The following SH3RF3 variants were observed in gnomAD, a reference collection of about 807,000 sequenced individuals.
SH3RF3 encodes the protein SH3 domain containing ring finger 3.
A neutral mutation model predicts 66.3 loss-of-function variants in SH3RF3; 29 were observed. The observed-to-expected ratio is 0.44, with a 90% CI of 0.33 to 0.60. The LOEUF (loss-of-function observed/expected upper bound fraction) is 0.60, where lower values mean the gene tolerates loss of function less well. Among genes scored for constraint, SH3RF3 ranks in the 20% least tolerant of loss-of-function variants. The pLI is 0.04. For missense variants in SH3RF3, 1,194 were observed against 1,190.9 expected (o/e 1.00, Z -0.04); for synonymous variants, 583 against 532.0 (o/e 1.10, Z -1.32).
intron 4 of SH3RF3, among the ~76,000 whole-genome samples, chr2:109,412,156 G>A (rs757224000): frequency 3.9e-5 from 6 of 152,268 alleles, no homozygotes; most frequent in African/African-American, 9.6e-5. Flanking sequence ...TTCGGCCGCC[G>A]TGGTCCACGA....
intron 1 of SH3RF3, among the ~76,000 whole-genome samples, chr2:109,220,517 A>G (rs1679205971): frequency 6.6e-6 from 1 of 152,238 alleles, no homozygotes; most frequent in Admixed American, 6.5e-5. Flanking sequence ...AAATATTTGC[A>G]AATCATTGTT....
At chr2:109,495,976 A>G (rs1356627678) in intron 9 of SH3RF3, among the ~76,000 whole-genome samples, 1 of 152,230 alleles carries the variant, frequency 6.6e-6, no homozygotes, top group Non-Finnish European at 1.5e-5. Flanking sequence ...TCGTGGTCTC[A>G]CTGACTTCAA....
chr2:109,351,556 T>C (rs1175611019), intron 2 of SH3RF3, among the ~76,000 whole-genome samples: 1 of 152,266 alleles, frequency 6.6e-6, no homozygotes, highest in East Asian at 1.9e-4. Context: ...AATGAAAACA[T>C]TGTGGTCGCC....
chr2:109,352,820 G>T (rs184652696), intron 2 of SH3RF3, among the ~76,000 whole-genome samples: 9 of 152,348 alleles, frequency 5.9e-5, no homozygotes, highest in Non-Finnish European at 1.2e-4. Flanking sequence ...CACCCTCTTA[G>T]CCACTACAGA....
intron 1 of SH3RF3, among the ~76,000 whole-genome samples, chr2:109,301,240 CG>C (rs1294645589): frequency 6.6e-6 from 1 of 151,750 alleles, no homozygotes; most frequent in Admixed American, 6.6e-5. Flanking sequence ...CTCTGTGCAC[CG>C]GGACTCAGAC....
At chr2:109,495,738 C>T (rs1278840196) in intron 9 of SH3RF3, among the ~76,000 whole-genome samples, 3 of 152,108 alleles carry the variant, frequency 2.0e-5, no homozygotes, top group Admixed American at 1.3e-4. Flanking sequence ...GTGATCCGCC[C>T]ACCTCGGATT....
At chr2:109,177,972 A>G (rs1161608782) in intron 1 of SH3RF3, among the ~76,000 whole-genome samples, 2 of 152,250 alleles carry the variant, frequency 1.3e-5, no homozygotes, top group African/African-American at 4.8e-5. Flanking sequence ...TTCCCAAATC[A>G]TCTAACATAA....
chr2:109,490,969 GC>G, intron 9 of SH3RF3, 33 bp downstream of exon 9: 3 of 1,422,554 alleles, frequency 2.1e-6, no homozygotes, highest in Non-Finnish European at 2.8e-6. Context: ...TCTGTGGCAT[GC>G]TGTGGTTTGG....
At chr2:109,241,026 A>G (rs2105219738) in intron 1 of SH3RF3, among the ~76,000 whole-genome samples, 1 of 152,324 alleles carries the variant, frequency 6.6e-6, no homozygotes, top group Non-Finnish European at 1.5e-5. Flanking sequence ...AAAGAACTCT[A>G]TAGAGCATCA....
chr2:109,409,917 T>C (rs1391504041), intron 4 of SH3RF3, among the ~76,000 whole-genome samples: 1 of 152,142 alleles, frequency 6.6e-6, no homozygotes, highest in Non-Finnish European at 1.5e-5. Context: ...TGACAGTGTT[T>C]TCTGGACTTA....
intron 4 of SH3RF3, among the ~76,000 whole-genome samples, chr2:109,403,225 T>C (rs1445005746): frequency 1.3e-5 from 2 of 152,248 alleles, no homozygotes; most frequent in Non-Finnish European, 2.9e-5. Flanking sequence ...AGCCGCGCAC[T>C]GTCCGAGGCT....
At chr2:109,490,166 C>T (rs1478222458) in intron 8 of SH3RF3, among the ~76,000 whole-genome samples, 3 of 152,232 alleles carry the variant, frequency 2.0e-5, no homozygotes, top group Non-Finnish European at 2.9e-5. Flanking sequence ...AACTGAGATG[C>T]CATCTGCTGG....
intron 1 of SH3RF3, among the ~76,000 whole-genome samples, chr2:109,240,066 T>C (rs1351798506): frequency 6.6e-6 from 1 of 152,210 alleles, no homozygotes; most frequent in Non-Finnish European, 1.5e-5. Flanking sequence ...CTTCTCTGTT[T>C]TCTTATGTGA....
chr2:109,297,432 C>T (rs2105384011), intron 1 of SH3RF3, among the ~76,000 whole-genome samples: 1 of 152,208 alleles, frequency 6.6e-6, no homozygotes. Context: ...CCTGTGTACC[C>T]ACCCTGGGCA....
chr2:109,137,151 C>G (rs767096316), intron 1 of SH3RF3, among the ~76,000 whole-genome samples: 3 of 152,142 alleles, frequency 2.0e-5, no homozygotes, highest in Non-Finnish European at 2.9e-5. Context: ...TTTTTATTCT[C>G]TGTTTATCTG....
intron 1 of SH3RF3, among the ~76,000 whole-genome samples, chr2:109,200,609 C>G (rs1678647078): frequency 6.6e-6 from 1 of 152,178 alleles, no homozygotes; most frequent in Non-Finnish European, 1.5e-5. Flanking sequence ...GATGCCACAG[C>G]CTCTTAAAGT....
intron 1 of SH3RF3, among the ~76,000 whole-genome samples, chr2:109,199,597 T>TAC (rs1558953918): frequency 3.7e-3 from 1 of 270 alleles, no homozygotes; most frequent in Non-Finnish European, 6.8e-3. Context: ...TGGAATGGAA[T>TAC]GGAATGGAAT....
chr2:109,202,047 G>C (rs6755192), intron 1 of SH3RF3, among the ~76,000 whole-genome samples: 1 of 151,444 alleles, frequency 6.6e-6, no homozygotes. Context: ...TTGGAGCCTG[G>C]CTGGGTCTCG....
In SH3RF3 at chr2:109,222,570, C is replaced by T. The variant is rs1023388667; in HGVS notation, c.573+92457C>T. Among the ~76,000 whole-genome samples, 27 of 152,174 alleles carry T rather than the reference C, an allele frequency of 1.8e-4. 1 individual carries two copies. Among genetic ancestry groups the T allele is most frequent in the Admixed American group, 6.5e-4 (10 of 15,288 alleles). ...AAGGGTGAGAGGCCAGGAGAGCAGG[C>T]CCTGGGCTTAGCCTCCAGCATCCAC... On this transcript the variant is annotated intron_variant, in intron 1 of 9. Transcript: ENST00000309415.
Sources: allele counts gnomAD v4.1 joint callset (sites outside exome capture counted in the v4.1 genomes callset), GRCh38; gene constraint gnomAD v4.1.1; transcripts MANE v1.5; gene names NCBI Gene and HGNC (gene_info 2026-07-23, HGNC 2026-07-21).